LHCGR: variants seen among roughly 807,000 people sequenced by gnomAD.
The protein encoded by LHCGR is luteinizing hormone/choriogonadotropin receptor, also known as lutropin-choriogonadotropic hormone receptor.
A neutral mutation model predicts 60.7 loss-of-function variants in LHCGR; 55 were observed. That is an observed-to-expected ratio of 0.91 (90% CI 0.73 to 1.13). The LOEUF (loss-of-function observed/expected upper bound fraction) is 1.13, where lower values mean the gene tolerates loss of function less well. LHCGR is among the 50% of genes most tolerant of loss of function. The pLI, the probability that LHCGR is intolerant of heterozygous loss-of-function variation, is 0.00. For synonymous variants in LHCGR, 337 were observed against 316.5 expected (o/e 1.06, Z -0.69); for missense variants, 862 against 836.0 (o/e 1.03, Z -0.38).
At chr2:48,716,728 C>T (rs941801153) in intron 6 of LHCGR, among the ~76,000 whole-genome samples, 1 of 152,130 alleles carries the variant, frequency 6.6e-6, no homozygotes, top group Middle Eastern at 3.2e-3. Flanking sequence ...TTGGCAGTCT[C>T]CTGTCATTTT....
chr2:48,694,979 T>G (rs536567152), intron 9 of LHCGR, among the ~76,000 whole-genome samples: 1 of 152,190 alleles, frequency 6.6e-6, no homozygotes, highest in African/African-American at 2.4e-5. Flanking sequence ...TTCCACAGCC[T>G]TGCCAGCATC....
At chr2:48,702,454 C>T (rs1338687731) in intron 8 of LHCGR, among the ~76,000 whole-genome samples, 2 of 152,012 alleles carry the variant, frequency 1.3e-5, no homozygotes, top group African/African-American at 2.4e-5. Context: ...TGATGTTCCC[C>T]CTCCGTGTCG....
chr2:48,746,613 T>C (rs1216694362), intron 1 of LHCGR, among the ~76,000 whole-genome samples: 1 of 152,242 alleles, frequency 6.6e-6, no homozygotes, highest in African/African-American at 2.4e-5. Flanking sequence ...TGTCTTATCA[T>C]GTGAACCAAG....
chr2:48,689,420 T>C (rs1445005349), intron 10 of LHCGR, among the ~76,000 whole-genome samples: 2 of 152,172 alleles, frequency 1.3e-5, no homozygotes, highest in African/African-American at 2.4e-5. Context: ...ATTGGAAGGC[T>C]CATGTTGTTG....
At chr2:48,739,001 T>C (rs530752694) in intron 1 of LHCGR, among the ~76,000 whole-genome samples, 1 of 152,324 alleles carries the variant, frequency 6.6e-6, no homozygotes, top group South Asian at 2.1e-4. Context: ...ACTCACACTT[T>C]CCTGATGTCA....
chr2:48,687,801 C>T lies in LHCGR; in HGVS notation c.1996G>A (p.Gly666Ser). The change falls in exon 11 of 11, where the codon GGC becomes AGC. Residue 666 changes from glycine to serine, a missense_variant. By Grantham distance (56) the Gly-to-Ser change is moderately conservative. Transcript: ENST00000294954. Reference protein sequence around the residue: ...FSAYTSNCKNGFTGSNKPSQS... With the variant: ...FSAYTSNCKNSFTGSNKPSQS... ...GAAGGCTTATTTGATCCAGTGAAGC[C>T]ATTTTTGCAGTTGGAGGTGTAAGCT... 6.2e-7 allele frequency: 1 copy of T among 1,614,140 alleles called. No homozygotes were observed. The highest frequency in any genetic ancestry group is 8.5e-7 in the Non-Finnish European group (1 of 1,180,016).
rs191012207 is a variant in LHCGR, at chr2:48,703,907, A to G, written c.680+5041T>C. Among the ~76,000 whole-genome samples the G allele has an allele frequency of 7.1e-3, 1,086 of 152,320 alleles. 8 individuals are homozygous for G. Among genetic ancestry groups the G allele is most frequent in the South Asian group, 0.045 (218 of 4,818 alleles). On this transcript the variant is annotated intron_variant, in intron 8 of 10. Coordinates refer to ENST00000294954, the MANE Select transcript of LHCGR (RefSeq NM_000233.4). ...CTTCTCTCGCCTGATTGCCCTGGCC[A>G]GAACTTCCAATACTATGTTGAATAG...
At chr2:48,737,445 C>T (rs1024377391) in intron 1 of LHCGR, among the ~76,000 whole-genome samples, 9 of 152,176 alleles carry the variant, frequency 5.9e-5, no homozygotes, top group Non-Finnish European at 7.4e-5. Context: ...AGATCTTGTT[C>T]TACACTTAAC....
At chr2:48,725,972 A>G (rs1668700853) in intron 3 of LHCGR, among the ~76,000 whole-genome samples, 1 of 152,100 alleles carries the variant, frequency 6.6e-6, no homozygotes, top group South Asian at 2.1e-4. Flanking sequence ...GCTTCTAAAG[A>G]GGTGGGTATA....
intron 8 of LHCGR, among the ~76,000 whole-genome samples, chr2:48,701,672 A>G (rs1364893155): frequency 1.3e-5 from 2 of 152,054 alleles, no homozygotes; most frequent in African/African-American, 2.4e-5. Context: ...TTGGACAACT[A>G]CATATTTTAT....
intron 1 of LHCGR, among the ~76,000 whole-genome samples, chr2:48,742,365 C>T (rs999132750): frequency 1.2e-4 from 18 of 151,662 alleles, no homozygotes; most frequent in African/African-American, 4.4e-4. Flanking sequence ...ACAGAACTCT[C>T]CACCCCAAAT....
At chr2:48,729,290 A>G (rs948977315) in intron 2 of LHCGR, 63 bp from the exon 3 acceptor site, 5 of 1,271,394 alleles carry the variant, frequency 3.9e-6, no homozygotes, top group Non-Finnish European at 5.7e-6. Flanking sequence ...TGTCTGCATG[A>G]TTATGAGCTA....
intron 10 of LHCGR, among the ~76,000 whole-genome samples, chr2:48,691,306 AT>A (rs1666800987): frequency 6.6e-6 from 1 of 152,176 alleles, no homozygotes; most frequent in South Asian, 2.1e-4. Flanking sequence ...AAGAACACAG[AT>A]TTTTAAAAAG....
At chr2:48,738,178 G>C (rs1482077883) in intron 1 of LHCGR, among the ~76,000 whole-genome samples, 1 of 152,114 alleles carries the variant, frequency 6.6e-6, no homozygotes, top group Non-Finnish European at 1.5e-5. Flanking sequence ...GAGCCTACCA[G>C]AATGTTTTTT....
chr2:48,718,222 C>A (rs1190921470), intron 6 of LHCGR, among the ~76,000 whole-genome samples: 1 of 152,164 alleles, frequency 6.6e-6, no homozygotes, highest in African/African-American at 2.4e-5. Context: ...ATTACAATAG[C>A]TGTACCTAAC....
intron 1 of LHCGR, among the ~76,000 whole-genome samples, chr2:48,734,612 T>C (rs1389131890): frequency 6.6e-6 from 1 of 152,208 alleles, no homozygotes; most frequent in Non-Finnish European, 1.5e-5. Context: ...CTTCATATTT[T>C]TTTGGAGTTA....
rs758584973 is a variant in LHCGR, at chr2:48,708,957, G to C, written c.671C>G (p.Pro224Arg). 1 of 1,613,764 alleles carries C rather than the reference G, an allele frequency of 6.2e-7. No homozygotes were observed. The highest frequency in any genetic ancestry group is 8.5e-7 in the Non-Finnish European group (1 of 1,179,808). ...GCACCATTCTACTCACAAGGTTTTC[G>C]GCCCTGTGGCCCCACGGAAGGCTCC... Reference protein sequence around the residue: ...HNGAFRGATGPKTLDISSTKL... With the variant: ...HNGAFRGATGRKTLDISSTKL... The change falls in exon 8 of 11, where the codon CCG becomes CGG. Residue 224 changes from proline (P) to arginine (R), a missense_variant. Transcript: ENST00000294954.
chr2:48,701,353 C>T (rs186536485), intron 8 of LHCGR, among the ~76,000 whole-genome samples: 22 of 152,254 alleles, frequency 1.4e-4, no homozygotes, highest in Non-Finnish European at 5.9e-5. Flanking sequence ...CAGCTCTCTG[C>T]CACGTCTCTG....
intron 1 of LHCGR, among the ~76,000 whole-genome samples, chr2:48,746,775 C>A (rs1669726454): frequency 1.3e-5 from 2 of 152,108 alleles, no homozygotes; most frequent in Non-Finnish European, 2.9e-5. Flanking sequence ...GCAAAATAAC[C>A]CAATCTCTAT....
Sources: allele counts gnomAD v4.1 joint callset (sites outside exome capture counted in the v4.1 genomes callset), GRCh38; gene constraint gnomAD v4.1.1; transcripts MANE v1.5; gene names NCBI Gene and HGNC (gene_info 2026-07-23, HGNC 2026-07-21).